Variants in MARK1 observed in about 807,000 individuals in gnomAD.
The protein encoded by MARK1 is serine/threonine-protein kinase MARK1.
In MARK1, 40 loss-of-function variants were observed where a neutral mutation model predicts 96.3. The observed-to-expected ratio is 0.42, with a 90% CI of 0.32 to 0.54. The LOEUF (loss-of-function observed/expected upper bound fraction) is 0.54, where lower values mean the gene tolerates loss of function less well. MARK1 is among the 20% of genes least tolerant of loss of function. The pLI is 0.16. For synonymous variants in MARK1, 317 were observed against 341.2 expected, an observed-to-expected ratio of 0.93 and a Z score of 0.78; for missense variants, 719 against 984.6, an observed-to-expected ratio of 0.73 and a Z score of 3.61.
intron 1 of MARK1, among the ~76,000 whole-genome samples, chr1:220,563,881 T>A (rs1662857994): frequency 6.6e-6 from 1 of 152,216 alleles, no homozygotes; most frequent in Admixed American, 6.5e-5. Flanking sequence ...GAAATATTTT[T>A]AATTTGAACC....
At chr1:220,647,857 A>G (rs1668664373) in intron 13 of MARK1, among the ~76,000 whole-genome samples, 1 of 152,190 alleles carries the variant, frequency 6.6e-6, no homozygotes. Flanking sequence ...ACACATGGAC[A>G]CAGAGAGGGG....
intron 14 of MARK1, among the ~76,000 whole-genome samples, chr1:220,651,232 A>C (rs1207228675): frequency 1.3e-5 from 2 of 152,208 alleles, no homozygotes; most frequent in Non-Finnish European, 2.9e-5. Context: ...TCTTCTTTCT[A>C]TCATGAGTCA....
intron 9 of MARK1, among the ~76,000 whole-genome samples, chr1:220,623,888 C>A (rs1207915457): frequency 1.3e-5 from 2 of 152,218 alleles, no homozygotes; most frequent in African/African-American, 4.8e-5. Flanking sequence ...TATTTCAAAT[C>A]AGTTTACATC....
intron 3 of MARK1, among the ~76,000 whole-genome samples, chr1:220,587,481 G>T (rs1469694739): frequency 1.3e-5 from 2 of 152,002 alleles, no homozygotes; most frequent in Admixed American, 1.3e-4. Context: ...TGATTCTCCT[G>T]CCTTAGCCTC....
chr1:220,628,134 G>A (rs1373332608), intron 9 of MARK1: 2 of 152,220 alleles, frequency 1.3e-5, no homozygotes, highest in Non-Finnish European at 2.9e-5. Context: ...TCACTCATCT[G>A]TTTGCTGTAT....
At chr1:220,597,509 T>C (rs1276452574) in intron 3 of MARK1, among the ~76,000 whole-genome samples, 1 of 152,208 alleles carries the variant, frequency 6.6e-6, no homozygotes, top group Non-Finnish European at 1.5e-5. Flanking sequence ...TCTTTTTGTG[T>C]TCTTTTGACT....
chr1:220,589,791 AG>A (rs1664863037), intron 3 of MARK1, among the ~76,000 whole-genome samples: 2 of 152,230 alleles, frequency 1.3e-5, no homozygotes, highest in African/African-American at 4.8e-5. Context: ...TTTGAAAATG[AG>A]AAAGAAAAAG....
intron 1 of MARK1, among the ~76,000 whole-genome samples, chr1:220,546,036 A>G (rs1661468345): frequency 6.6e-6 from 1 of 151,994 alleles, no homozygotes; most frequent in Non-Finnish European, 1.5e-5. Context: ...CCCATCTTTG[A>G]TGTCTGAGTC....
intron 10 of MARK1, 102 bp downstream of exon 10, chr1:220,631,236 T>G (rs1667666079): frequency 3.3e-6 from 2 of 605,366 alleles, no homozygotes; most frequent in Non-Finnish European, 5.7e-6. Context: ...GAAGCAATTT[T>G]TATTTGAAAA....
intron 1 of MARK1, among the ~76,000 whole-genome samples, chr1:220,563,658 C>T (rs146736401): frequency 1.3e-5 from 2 of 152,082 alleles, no homozygotes; most frequent in Admixed American, 1.3e-4. Context: ...TGAAAATTGA[C>T]CATAGCCCTT....
chr1:220,649,846 A>G (rs1234462028), intron 13 of MARK1, among the ~76,000 whole-genome samples: 1 of 152,176 alleles, frequency 6.6e-6, no homozygotes, highest in East Asian at 1.9e-4. Flanking sequence ...GTAAGGATTA[A>G]ACAGAAGAGT....
At chr1:220,575,679 G>A (rs1933003) in intron 1 of MARK1, among the ~76,000 whole-genome samples, 149,064 of 152,060 alleles carry the variant, frequency 0.98, 73,133 homozygotes, top group East Asian at 1. Flanking sequence ...TATATGCTGT[G>A]TATTCTGATT....
At chr1:220,599,602 C>G (rs1243796568) in intron 4 of MARK1, among the ~76,000 whole-genome samples, 196 bp from the exon 5 acceptor site, 1 of 152,052 alleles carries the variant, frequency 6.6e-6, no homozygotes, top group Non-Finnish European at 1.5e-5. Context: ...GAAGTTGGTT[C>G]TAAATCACTT....
chr1:220,604,083 C>T lies in MARK1; in HGVS notation c.441C>T (p.Tyr147=). ...CTGATTCAGGTGAAGTATTTGATTA[C>T]TTAGTTGCCCATGGAAGAATGAAAG... ...EYASGGEVFD[Y]LVAHGRMKEK... is the part of the protein sequence containing the mutation. Residue 147 remains tyrosine (Y), a synonymous_variant, in exon 6 of 18, where the codon TAC becomes TAT. Transcript: ENST00000366917. 6.2e-7 allele frequency: 1 copy of T among 1,610,270 alleles called. No individual in the cohort carries two copies. Among genetic ancestry groups the T allele is most frequent in the Non-Finnish European group, 8.5e-7 (1 of 1,177,844 alleles).
chr1:220,621,740 T>C (rs1485576325), intron 9 of MARK1, among the ~76,000 whole-genome samples: 1 of 152,130 alleles, frequency 6.6e-6, no homozygotes, highest in Admixed American at 6.5e-5. Context: ...CATGAATTAT[T>C]GATTAGAGTA....
At chr1:220,555,560 G>C (rs537080629) in intron 1 of MARK1, among the ~76,000 whole-genome samples, 20 of 152,288 alleles carry the variant, frequency 1.3e-4, no homozygotes, top group Admixed American at 8.5e-4. Flanking sequence ...GACTTGATTT[G>C]AGGAGTTAGG....
At chr1:220,615,195 A>T (rs1666669067) in intron 6 of MARK1, among the ~76,000 whole-genome samples, 2 of 152,092 alleles carry the variant, frequency 1.3e-5, no homozygotes, top group South Asian at 4.1e-4. Flanking sequence ...TTTCTCTCAT[A>T]GTTTTGGCCT....
At chr1:220,535,396 A>C (rs1017401308) in intron 1 of MARK1, among the ~76,000 whole-genome samples, 3 of 151,532 alleles carry the variant, frequency 2.0e-5, no homozygotes, top group Non-Finnish European at 4.4e-5. Flanking sequence ...TGTCTATTCA[A>C]CTCCTTTGCA....
At position 220,635,269 on chromosome 1, in the gene MARK1, C is replaced by T. The variant is rs186547196; in HGVS notation, c.1123-107C>T. Reference sequence around the variant, plus strand: ...TACACTGTTTTTTCAGTTTGGATTACTTCTTGTATAGCTTTAAGTCATTTA... The same window carrying T: ...TACACTGTTTTTTCAGTTTGGATTATTTCTTGTATAGCTTTAAGTCATTTA... On this transcript the variant is annotated intron_variant, in intron 11 of 17. Coordinates refer to ENST00000366917, the MANE Select transcript of MARK1 (RefSeq NM_018650.5). 28 of 1,110,194 alleles carry T rather than the reference C, an allele frequency of 2.5e-5. No homozygotes were observed. In the African/African-American group the frequency reaches 4.3e-4, roughly 17 times the overall value. The allele number at this position is 1,110,194 out of a possible 1,614,324, so 68.8% of individuals were successfully genotyped here.
Sources: gnomAD v4.1 joint callset for allele counts (sites outside exome capture counted in the v4.1 genomes callset) on GRCh38, gnomAD v4.1.1 for gene constraint, MANE v1.5 for transcripts, NCBI Gene and HGNC (gene_info 2026-07-23, HGNC 2026-07-21) for gene names.